The following GBE1 variants were observed in gnomAD, a reference collection of about 807,000 sequenced individuals.
GBE1 encodes the protein 1,4-alpha-glucan-branching enzyme.
In GBE1, 70 loss-of-function variants were observed where a neutral mutation model predicts 88.8. That is an observed-to-expected ratio of 0.79 (90% CI 0.65 to 0.96). GBE1 has a LOEUF of 0.96. Ranked by LOEUF, GBE1 falls within the 40% of genes least tolerant of loss-of-function variation. The pLI is 0.00. For missense variants in GBE1, 872 were observed against 871.0 expected, an observed-to-expected ratio of 1.00 and a Z score of -0.01; for synonymous variants, 284 against 300.1, an observed-to-expected ratio of 0.95 and a Z score of 0.56.
rs755801874 is a variant in GBE1, at chr3:81,642,847, C to T, written c.926G>A (p.Cys309Tyr). The change falls in exon 7 of 16, where the codon TGT becomes TAT. Residue 309 changes from cysteine (C) to tyrosine (Y), a missense_variant. Transcript: ENST00000429644. Reference protein sequence around the residue: ...GLNMFDGTDSCYFHSGPRGTH... With the variant: ...GLNMFDGTDSYYFHSGPRGTH... The stretch of plus-strand genomic sequence containing the variant: ...CCCTCTAGGTCCAGAATGAAAATAA[C>T]AGGAATCTGTCCCATCAAACATATT... 1.9e-5 allele frequency: 31 copies of T among 1,613,178 alleles called. No individual in the cohort carries two copies. Among genetic ancestry groups the T allele is most frequent in the Non-Finnish European group, 2.6e-5 (31 of 1,179,398 alleles).
At chr3:81,757,437 A>G (rs1706617846) in intron 1 of GBE1, among the ~76,000 whole-genome samples, 1 of 152,214 alleles carries the variant, frequency 6.6e-6, no homozygotes, top group South Asian at 2.1e-4. Context: ...AGAGGAGTGG[A>G]GAAGTTAGAA....
intron 9 of GBE1, among the ~76,000 whole-genome samples, chr3:81,587,089 A>G (rs1047067359): frequency 6.6e-6 from 1 of 152,158 alleles, no homozygotes. Flanking sequence ...GGCACAAGCC[A>G]CCACACCCAG....
intron 1 of GBE1, among the ~76,000 whole-genome samples, chr3:81,742,347 C>T (rs1165945408): frequency 1.3e-5 from 2 of 151,982 alleles, no homozygotes; most frequent in African/African-American, 4.8e-5. Context: ...CAGGAAAATG[C>T]TATGAACAAC....
intron 5 of GBE1, among the ~76,000 whole-genome samples, chr3:81,647,385 T>C (rs983311290): frequency 1.3e-5 from 2 of 152,184 alleles, no homozygotes; most frequent in Non-Finnish European, 2.9e-5. Flanking sequence ...TCACCTTCCT[T>C]TCTCCATCTG....
At chr3:81,623,966 T>C (rs898598118) in intron 7 of GBE1, among the ~76,000 whole-genome samples, 3 of 152,198 alleles carry the variant, frequency 2.0e-5, no homozygotes, top group Admixed American at 6.5e-5. Flanking sequence ...CCACTGTGCC[T>C]GACCCAGACT....
intron 12 of GBE1, among the ~76,000 whole-genome samples, chr3:81,572,097 A>G (rs1703584768): frequency 6.6e-6 from 1 of 152,046 alleles, no homozygotes; most frequent in Admixed American, 6.6e-5. Flanking sequence ...TTCTCACAAG[A>G]TCTGCTGGTT....
At chr3:81,706,356 T>C (rs1348236333) in intron 1 of GBE1, among the ~76,000 whole-genome samples, 1 of 152,188 alleles carries the variant, frequency 6.6e-6, no homozygotes, top group Non-Finnish European at 1.5e-5. Flanking sequence ...TGCCTGCTCC[T>C]GACCCTCTCC....
chr3:81,708,147 A>G (rs1234644684), intron 1 of GBE1, among the ~76,000 whole-genome samples: 1 of 152,016 alleles, frequency 6.6e-6, no homozygotes, highest in African/African-American at 2.4e-5. Context: ...GAGGAACTGA[A>G]AGCATTTGAA....
At chr3:81,728,877 C>T (rs939464518) in intron 1 of GBE1, among the ~76,000 whole-genome samples, 7 of 151,932 alleles carry the variant, frequency 4.6e-5, no homozygotes, top group Non-Finnish European at 7.4e-5. Flanking sequence ...TATCAAGTAT[C>T]GTCCATCTGC....
chr3:81,698,018 ATTATATATATAATT>A (rs954757869), intron 2 of GBE1, among the ~76,000 whole-genome samples: 5 of 147,938 alleles, frequency 3.4e-5, no homozygotes, highest in Non-Finnish European at 7.4e-5. Context: ...GGTGTTATAT[ATTATATATATAATT>A]TTATATATAT....
intron 15 of GBE1, among the ~76,000 whole-genome samples, chr3:81,491,277 G>T (rs532654036): frequency 9.2e-5 from 14 of 151,970 alleles, no homozygotes; most frequent in Non-Finnish European, 2.9e-5. Context: ...CAGCTTTTTC[G>T]TTTCTTTCTG....
At chr3:81,757,595 C>T (rs1706620623) in intron 1 of GBE1, among the ~76,000 whole-genome samples, 1 of 152,104 alleles carries the variant, frequency 6.6e-6, no homozygotes, top group Non-Finnish European at 1.5e-5. Flanking sequence ...TGACTAGACT[C>T]AAAGGTCTAG....
chr3:81,756,080 T>G (rs1203019376), intron 1 of GBE1, among the ~76,000 whole-genome samples: 1 of 152,186 alleles, frequency 6.6e-6, no homozygotes, highest in Non-Finnish European at 1.5e-5. Context: ...ACATATAATA[T>G]TTATCATAAA....
intron 1 of GBE1, among the ~76,000 whole-genome samples, chr3:81,707,553 T>C (rs137977593): frequency 8.5e-4 from 129 of 152,004 alleles, no homozygotes; most frequent in Middle Eastern, 6.8e-3. Context: ...ACTGTGGAAC[T>C]GTATGAATGT....
intron 15 of GBE1, among the ~76,000 whole-genome samples, chr3:81,497,127 TCTC>T (rs1485974674): frequency 2.6e-5 from 4 of 152,338 alleles, no homozygotes; most frequent in South Asian, 4.1e-4. Flanking sequence ...TGAAAAGTAA[TCTC>T]CTGATGTTGC....
At chr3:81,491,827 T>C (rs921058678) in intron 15 of GBE1, among the ~76,000 whole-genome samples, 1 of 152,168 alleles carries the variant, frequency 6.6e-6, no homozygotes, top group Admixed American at 6.5e-5. Context: ...TTTCACTGAA[T>C]GAGACTTGTA....
rs1015610715 is a variant in GBE1, at chr3:81,573,635, A to T, written c.1618+4290T>A. Among the ~76,000 whole-genome samples the T allele has an allele frequency of 2.0e-4, 30 of 152,236 alleles. 1 individual carries two copies. Among genetic ancestry groups the T allele is most frequent in the Admixed American group, 1.9e-3 (29 of 15,280 alleles). On this transcript the variant is annotated intron_variant, in intron 12 of 15. Transcript: ENST00000429644. ...AGATACATATAAATGTCTTAAGCATAAAGAAATCTTACAACATTTTAGAAT... is the reference window on the plus strand; with the variant it reads ...AGATACATATAAATGTCTTAAGCATTAAGAAATCTTACAACATTTTAGAAT...
intron 7 of GBE1, among the ~76,000 whole-genome samples, chr3:81,614,652 G>C (rs914647505): frequency 1.3e-5 from 2 of 152,142 alleles, no homozygotes; most frequent in African/African-American, 4.8e-5. Context: ...AAGGTCAAAA[G>C]ATCCAGACCA....
chr3:81,661,907 T>C (rs1392093448), intron 3 of GBE1, among the ~76,000 whole-genome samples: 1 of 152,196 alleles, frequency 6.6e-6, no homozygotes. Context: ...ATCAGAAATA[T>C]TTCACAATAA....
Sources: gnomAD v4.1 joint callset for allele counts (sites outside exome capture counted in the v4.1 genomes callset) on GRCh38, gnomAD v4.1.1 for gene constraint, MANE v1.5 for transcripts, NCBI Gene and HGNC (gene_info 2026-07-23, HGNC 2026-07-21) for gene names.